The following LINGO1 variants were observed in gnomAD, a reference collection of about 807,000 sequenced individuals.
LINGO1 encodes the protein leucine rich repeat and Ig domain containing 1.
LINGO1 carries 11 observed loss-of-function variants against 37.3 expected under a neutral mutation model. The ratio of observed to expected loss-of-function variants is 0.29; its 90% CI spans 0.19 to 0.49. The LOEUF (loss-of-function observed/expected upper bound fraction) is 0.49. Ranked by LOEUF, LINGO1 falls within the 20% of genes least tolerant of loss-of-function variation. The pLI is 0.99. For missense variants in LINGO1, 585 were observed against 878.2 expected, an observed-to-expected ratio of 0.67 and a Z score of 4.22; for synonymous variants, 387 against 403.0, an observed-to-expected ratio of 0.96 and a Z score of 0.48.
exon 1 of LINGO1, chr15:77,820,311 G>C (rs1250317176): frequency 1.3e-5 from 2 of 152,442 alleles, no homozygotes; most frequent in East Asian, 3.9e-4. Flanking sequence ...CGCTGCGCGG[G>C]AACAGTCCGG....
At chr15:77,812,212 C>A (rs1230681170) in intron 1 of LINGO1, among the ~76,000 whole-genome samples, 1 of 152,250 alleles carries the variant, frequency 6.6e-6, no homozygotes, top group Non-Finnish European at 1.5e-5. Flanking sequence ...CCTCCCCCAC[C>A]CACCAGGCTC....
At chr15:77,748,319 T>A (rs1281514242) in intron 1 of LINGO1, among the ~76,000 whole-genome samples, 1 of 152,140 alleles carries the variant, frequency 6.6e-6, no homozygotes. Flanking sequence ...GTCTTTGGAG[T>A]CAGATGACCC....
chr15:77,762,176 G>A (rs2076484168), intron 1 of LINGO1, among the ~76,000 whole-genome samples: 1 of 152,210 alleles, frequency 6.6e-6, no homozygotes, highest in South Asian at 2.1e-4. Context: ...CCTTGCTGGG[G>A]GAAGGCACAG....
chr15:77,707,285 A>T (rs2075864587), intron 2 of LINGO1: 1 of 152,198 alleles, frequency 6.6e-6, no homozygotes, highest in South Asian at 2.1e-4. Flanking sequence ...GAGAAAGAAA[A>T]GGGTCTCCAC....
intron 3 of LINGO1, among the ~76,000 whole-genome samples, chr15:77,663,818 A>T (rs11857529): frequency 0.042 from 6,449 of 152,286 alleles, 487 homozygotes; most frequent in African/African-American, 0.15. Flanking sequence ...GTCACCCTCC[A>T]TGCAATCAGC....
intron 1 of LINGO1, among the ~76,000 whole-genome samples, chr15:77,785,399 T>C (rs2076761603): frequency 6.6e-6 from 1 of 152,176 alleles, no homozygotes; most frequent in South Asian, 2.1e-4. Flanking sequence ...GCCCTTGCAC[T>C]TCCCAACTGA....
At chr15:77,692,824 G>A (rs1016277646) in intron 1 of LINGO1, among the ~76,000 whole-genome samples, 2 of 152,322 alleles carry the variant, frequency 1.3e-5, no homozygotes, top group East Asian at 3.9e-4. Context: ...ACCTCAGGAC[G>A]CCATGGTATC....
At chr15:77,639,940 T>G (rs982312825) in intron 3 of LINGO1, among the ~76,000 whole-genome samples, 1 of 152,186 alleles carries the variant, frequency 6.6e-6, no homozygotes, top group Non-Finnish European at 1.5e-5. Context: ...ACGGTGGTTC[T>G]AAGTGTGTTA....
intron 2 of LINGO1, among the ~76,000 whole-genome samples, chr15:77,683,106 C>G (rs917603605): frequency 3.3e-5 from 5 of 152,074 alleles, no homozygotes; most frequent in Admixed American, 6.6e-5. Context: ...GAAGAAACAC[C>G]CATGGGCAAA....
At chr15:77,627,773 T>G (rs1264907709) in intron 1 of LINGO1, among the ~76,000 whole-genome samples, 1 of 152,204 alleles carries the variant, frequency 6.6e-6, no homozygotes, top group Non-Finnish European at 1.5e-5. Context: ...ATGCAGGGAC[T>G]TAAGCCCTTC....
intron 2 of LINGO1, among the ~76,000 whole-genome samples, chr15:77,792,924 C>A (rs1412422326): frequency 2.6e-5 from 4 of 152,244 alleles, no homozygotes; most frequent in African/African-American, 9.6e-5. Flanking sequence ...CCCAGCACGA[C>A]AGCAGTGCTG....
chr15:77,638,359 G>A (rs563650523), upstream of LINGO1, among the ~76,000 whole-genome samples: 2 of 152,316 alleles, frequency 1.3e-5, no homozygotes, highest in Admixed American at 1.3e-4. Context: ...TTCTTAAGAA[G>A]TCAAGGAAGT....
chr15:77,633,281 T>C (rs1177810139), upstream of LINGO1, among the ~76,000 whole-genome samples: 1 of 104,088 alleles, frequency 9.6e-6, no homozygotes, highest in Non-Finnish European at 1.7e-5. Flanking sequence ...TTGTGTGTGA[T>C]TTTTGTGTTG....
At chr15:77,645,696 C>T (rs1335167986) in intron 3 of LINGO1, among the ~76,000 whole-genome samples, 1 of 152,248 alleles carries the variant, frequency 6.6e-6, no homozygotes, top group Non-Finnish European at 1.5e-5. Context: ...TACACGTCTT[C>T]CCAGTCCCAC....
upstream of LINGO1, among the ~76,000 whole-genome samples, chr15:77,699,691 A>G: frequency 2.3e-5 from 2 of 85,214 alleles, no homozygotes; most frequent in Non-Finnish European, 4.9e-5. Flanking sequence ...TGCACACAGT[A>G]AGCACATACT....
intron 1 of LINGO1, among the ~76,000 whole-genome samples, chr15:77,744,080 T>C (rs1021741835): frequency 6.6e-6 from 1 of 152,336 alleles, no homozygotes; most frequent in South Asian, 2.1e-4. Flanking sequence ...GGGCAGAGCC[T>C]GCCTCAACCT....
At chr15:77,750,764 T>C (rs2076363118) in intron 1 of LINGO1, among the ~76,000 whole-genome samples, 1 of 152,240 alleles carries the variant, frequency 6.6e-6, no homozygotes, top group African/African-American at 2.4e-5. Context: ...AAGTATTTCA[T>C]ATACATGGTC....
At chr15:77,794,905 G>C (rs534139022) in intron 2 of LINGO1, among the ~76,000 whole-genome samples, 15 of 152,206 alleles carry the variant, frequency 9.9e-5, no homozygotes, top group African/African-American at 3.1e-4. Context: ...CCTAGTGCCT[G>C]GGAAGGAAAT....
At chr15:77,664,130 A>AGTGTGTGTGTGTGTGTGTGTGT (rs774494605) in intron 3 of LINGO1, among the ~76,000 whole-genome samples, 31 of 130,360 alleles carry the variant, frequency 2.4e-4, no homozygotes, top group African/African-American at 8.5e-4. Flanking sequence ...ACACAGGAGC[A>AGTGTGTGTGTGTGTGTGTGTGT]GTGTGTGTGT....
Sources: allele counts gnomAD v4.1 joint callset (sites outside exome capture counted in the v4.1 genomes callset), GRCh38; gene constraint gnomAD v4.1.1; transcripts MANE v1.5; gene names NCBI Gene and HGNC (gene_info 2026-07-23, HGNC 2026-07-21).